Variants in SLC25A25 observed in about 807,000 individuals in gnomAD.
SLC25A25 encodes solute carrier family 25 member 25.
Under a neutral mutation model 57.7 loss-of-function variants are expected in SLC25A25, and 32 were observed. That is an observed-to-expected ratio of 0.55 (90% CI 0.42 to 0.74). The LOEUF (loss-of-function observed/expected upper bound fraction) is 0.74. Among genes scored for constraint, SLC25A25 ranks in the 30% least tolerant of loss-of-function variants. The probability of loss-of-function intolerance (pLI) is 0.00; values close to 1 mark genes in which losing one functional copy is unlikely to be tolerated. For synonymous variants in SLC25A25, 306 were observed against 291.2 expected (o/e 1.05, Z -0.52); for missense variants, 556 against 701.3 (o/e 0.79, Z 2.34).
At chr9:128,072,868 T>A (rs1832936852) in intron 1 of SLC25A25, among the ~76,000 whole-genome samples, 1 of 152,202 alleles carries the variant, frequency 6.6e-6, no homozygotes, top group Admixed American at 6.5e-5. Flanking sequence ...AGGTTAGAAC[T>A]CAGGCAGCCA....
chr9:128,092,626 C>A (rs1833442173), intron 1 of SLC25A25, among the ~76,000 whole-genome samples: 3 of 152,116 alleles, frequency 2.0e-5, no homozygotes, highest in African/African-American at 4.8e-5. Flanking sequence ...GGCGCAGAGG[C>A]TGGTGCCCCT....
At position 128,102,604 on chromosome 9, in the gene SLC25A25, T is replaced by C. The variant is rs1833850343; in HGVS notation, c.624+123T>C. 1.4e-6 allele frequency: 1 copy of C among 723,806 alleles called. No individual in the cohort carries two copies. Among genetic ancestry groups the C allele is most frequent in the Non-Finnish European group, 2.3e-6 (1 of 437,878 alleles). 44.8% of individuals were successfully genotyped at this position (723,806 alleles called of 1,614,324 possible). On this transcript the variant is annotated intron_variant, in intron 5 of 10. Coordinates refer to ENST00000373069, the MANE Select transcript of SLC25A25 (RefSeq NM_001330988.2). The surrounding 1 kb of genome is among the most constrained non-coding windows in gnomAD (Gnocchi z 4.1). ...AGCCACCTCCTCTTCCACAGGAGACTGTCCCCTCTTCTGCCAGCCCAGTAG... is the reference window on the plus strand; with the variant it reads ...AGCCACCTCCTCTTCCACAGGAGACCGTCCCCTCTTCTGCCAGCCCAGTAG...
chr9:128,081,379 A>T (rs1435169850), intron 1 of SLC25A25, among the ~76,000 whole-genome samples: 2 of 152,240 alleles, frequency 1.3e-5, no homozygotes, highest in African/African-American at 4.8e-5. Flanking sequence ...CTTTAGTAAT[A>T]AATTTGTTGG....
intron 1 of SLC25A25, chr9:128,091,949 C>G: frequency 1.9e-6 from 3 of 1,613,710 alleles, no homozygotes; most frequent in Non-Finnish European, 2.5e-6. Context: ...GGGGGACGAT[C>G]GTGAAGTCAG....
chr9:128,068,697 G>T, intron 1 of SLC25A25, 117 bp downstream of exon 1: 1 of 1,162,568 alleles, frequency 8.6e-7, no homozygotes, highest in Non-Finnish European at 1.1e-6. Context: ...GAGGAAGGGT[G>T]CCCCCTGACT....
Position 128,107,138 on chromosome 9 carries a change from G to A in SLC25A25, c.1322G>A (p.Ser441Asn). Residue 441 changes from serine (S) to asparagine (N), a missense_variant, in exon 10 of 11, where the codon AGC (serine) becomes AAC (asparagine). Around this residue, in one of 3 missense-constraint regions of SLC25A25, gnomAD observed 294 missense variants for 389.6 expected, o/e 0.75. Transcript: ENST00000373069. ...TCCAGTACCTGTGGCCAGCTGGCCA[G>A]CTACCCCCTGGCCCTAGTCAGGACC... ...TMSSTCGQLASYPLALVRTRM... is the reference protein window; with the variant it reads ...TMSSTCGQLANYPLALVRTRM... The A allele has an allele frequency of 6.2e-7, 1 of 1,613,984 alleles. No individual in the cohort carries two copies. The highest frequency in any genetic ancestry group is 8.5e-7 in the Non-Finnish European group (1 of 1,180,028).
chr9:128,087,871 G>C lies in SLC25A25; in HGVS notation c.262-13225G>C, dbSNP rs996794747. ...TAGTTTTTACCTAGAGTTTGAGGTG[G>C]AGCTTTTTAATCTGCGGAGTCTCTA... On this transcript the variant is annotated intron_variant, in intron 1 of 10. Coordinates refer to ENST00000373069, the MANE Select transcript of SLC25A25 (RefSeq NM_001330988.2). Among the ~76,000 whole-genome samples the C allele has an allele frequency of 2.6e-5, 4 of 152,214 alleles. No homozygotes were observed. In the East Asian group the frequency reaches 7.7e-4, roughly 29 times the overall value.
In SLC25A25 at chr9:128,106,247, A is replaced by G; in HGVS notation, c.1034A>G (p.Tyr345Cys). The change falls in exon 8 of 11, where the codon TAC (tyrosine) becomes TGC (cysteine). Residue 345 changes from tyrosine to cysteine, a missense_variant. Transcript: ENST00000373069. ...LAGAIAQSSIYPMEVLKTRMA... is the reference protein window; with the variant it reads ...LAGAIAQSSICPMEVLKTRMA... ...GGGGCCATCGCCCAGAGCAGCATCTACCCAATGGAGGTGAGGGGCCGCCTG... is the reference window on the plus strand; with the variant it reads ...GGGGCCATCGCCCAGAGCAGCATCTGCCCAATGGAGGTGAGGGGCCGCCTG... The G allele has an allele frequency of 6.2e-7, 1 of 1,614,130 alleles. No homozygotes were observed. Among genetic ancestry groups the G allele is most frequent in the Non-Finnish European group, 8.5e-7 (1 of 1,180,002 alleles).
rs757212685 is a variant in SLC25A25, at chr9:128,103,246, C to A, written c.625-435C>A. Among the ~76,000 whole-genome samples, 4 of 152,218 alleles carry A rather than the reference C, an allele frequency of 2.6e-5. No homozygotes were observed. The highest frequency in any genetic ancestry group is 9.6e-5 in the African/African-American group (4 of 41,460). ...AAAGGTTACGCAGGCAGCGAGCCCT[C>A]GTGTTTGCTGAGGCGTTGCATAATG... On this transcript the variant is annotated intron_variant, in intron 5 of 10. Transcript: ENST00000373069. This position sits in a 1 kb window ranked among gnomAD's most constrained non-coding sequence, Gnocchi z 6.7.
At chr9:128,075,877 G>C (rs531689827) in intron 1 of SLC25A25, among the ~76,000 whole-genome samples, 1 of 152,088 alleles carries the variant, frequency 6.6e-6, no homozygotes, top group Non-Finnish European at 1.5e-5. Flanking sequence ...GTTATTACTT[G>C]TTGAAGTCTC....
At chr9:128,071,711 C>G (rs1295591511) in intron 1 of SLC25A25, among the ~76,000 whole-genome samples, 1 of 150,464 alleles carries the variant, frequency 6.6e-6, no homozygotes, top group African/African-American at 2.5e-5. Context: ...CGCGCCTGGC[C>G]TATTTATCTA....
chr9:128,106,124 G>C (rs778707505), intron 7 of SLC25A25, 26 bp from the exon 8 acceptor site: 14 of 1,613,820 alleles, frequency 8.7e-6, no homozygotes, highest in Non-Finnish European at 1.2e-5. Flanking sequence ...GGGTATATCA[G>C]GTGGTTTGTT....
chr9:128,105,651 G>A, intron 6 of SLC25A25, 78 bp from the exon 7 acceptor site: 1 of 1,606,220 alleles, frequency 6.2e-7, no homozygotes, highest in Non-Finnish European at 8.5e-7. Flanking sequence ...GCAGCCGGTT[G>A]GCCAGCAGAG....
intron 1 of SLC25A25, among the ~76,000 whole-genome samples, chr9:128,070,349 C>A (rs989813138): frequency 6.6e-6 from 1 of 151,712 alleles, no homozygotes; most frequent in Non-Finnish European, 1.5e-5. Context: ...CCGCCCGCCT[C>A]AGCCTCCCAA....
Position 128,091,682 on chromosome 9 carries a change from C to T in SLC25A25, c.262-9414C>T. On this transcript the variant is annotated intron_variant, in intron 1 of 10. Coordinates refer to ENST00000373069, the MANE Select transcript of SLC25A25 (RefSeq NM_001330988.2). Reference sequence around the variant, plus strand: ...AAGCCTCCCTTAGAGTGAGCTACTTCTCAGGCCGGGCACGACAGCAGTGCT... The same window carrying T: ...AAGCCTCCCTTAGAGTGAGCTACTTTTCAGGCCGGGCACGACAGCAGTGCT... 2.3e-6 allele frequency: 3 copies of T among 1,296,872 alleles called. No individual in the cohort carries two copies. In the East Asian group the frequency reaches 8.8e-5, roughly 38 times the overall value. The allele number at this position is 1,296,872 out of a possible 1,614,324, so 80.3% of individuals were successfully genotyped here.
intron 1 of SLC25A25, among the ~76,000 whole-genome samples, chr9:128,071,371 G>T (rs1832904473): frequency 6.6e-6 from 1 of 151,860 alleles, no homozygotes; most frequent in African/African-American, 2.4e-5. Context: ...TTGGTGTGTG[G>T]GTTTAGTATA....
chr9:128,106,662 T>C, intron 9 of SLC25A25, 142 bp downstream of exon 9: 1 of 1,117,298 alleles, frequency 9.0e-7, no homozygotes, highest in Non-Finnish European at 1.2e-6. Context: ...TTACTGCAGC[T>C]TTCCTTCACC....
At chr9:128,106,779 G>T (rs1834058530) in intron 9 of SLC25A25, among the ~76,000 whole-genome samples, 1 of 152,144 alleles carries the variant, frequency 6.6e-6, no homozygotes, top group African/African-American at 2.4e-5. Context: ...GCCCCCAGGA[G>T]CTCACAGGCC....
At chr9:128,081,225 C>A (rs1833149539) in intron 1 of SLC25A25, among the ~76,000 whole-genome samples, 1 of 152,186 alleles carries the variant, frequency 6.6e-6, no homozygotes, top group South Asian at 2.1e-4. Context: ...GAGGGTTTCA[C>A]CCCCTTGACC....
Sources: gnomAD v4.1 joint callset for allele counts (sites outside exome capture counted in the v4.1 genomes callset) on GRCh38, gnomAD v4.1.1 for gene constraint, gnomAD v4.1.1 regional missense constraint, Gnocchi (gnomAD v3.1) non-coding constraint, MANE v1.5 for transcripts, NCBI Gene and HGNC (gene_info 2026-07-23, HGNC 2026-07-21) for gene names.